LTK: variants seen among roughly 807,000 people sequenced by gnomAD.
The protein encoded by LTK is leukocyte receptor tyrosine kinase, also known as leukocyte tyrosine kinase receptor.
Under a neutral mutation model 101.5 loss-of-function variants are expected in LTK, and 117 were observed. That is an observed-to-expected ratio of 1.15 (90% CI 0.99 to 1.34). The LOEUF is 1.34. LTK is among the 40% of genes most tolerant of loss of function. LTK has a pLI of 0.00. For synonymous variants in LTK, 563 were observed against 494.2 expected (o/e 1.14, Z -1.85); for missense variants, 1,252 against 1,164.7 (o/e 1.07, Z -1.09).
chr15:41,512,042 C>T, intron 4 of LTK, 73 bp downstream of exon 4: 1 of 1,482,410 alleles, frequency 6.7e-7, no homozygotes, highest in East Asian at 2.5e-5. Context: ...CCGAGGAAAG[C>T]ACGCTCCCCC....
Position 41,504,867 on chromosome 15 carries a change from A to G in LTK, c.2026T>C (p.Tyr676His). The G allele has an allele frequency of 6.2e-7, 1 of 1,612,570 alleles. No individual in the cohort carries two copies. Among genetic ancestry groups the G allele is most frequent in the Non-Finnish European group, 8.5e-7 (1 of 1,179,556 alleles). ...GMARDIYRAS[Y>H]YRRGDRALLP... Reference sequence around the variant, plus strand: ...AAGGCCCGGTCCCCCCTGCGGTAATAACTGGCCCTACAGGAGGGAGGAGGT... The same window carrying G: ...AAGGCCCGGTCCCCCCTGCGGTAATGACTGGCCCTACAGGAGGGAGGAGGT... Residue 676 changes from tyrosine to histidine, a missense_variant, in exon 17 of 20, where the codon TAT (tyrosine) becomes CAT (histidine). Tyr to His is a moderately conservative substitution (Grantham distance 83). Transcript: ENST00000263800.
intron 8 of LTK, among the ~76,000 whole-genome samples, 185 bp downstream of exon 8, chr15:41,508,846 C>T (rs866030617): frequency 4.6e-5 from 7 of 152,246 alleles, no homozygotes; most frequent in Middle Eastern, 3.4e-3. Flanking sequence ...TTGCTCTTGT[C>T]GCCCAGGCTG....
chr15:41,507,985 T>C (rs2051340558), intron 9 of LTK, 84 bp downstream of exon 9: 3 of 1,433,162 alleles, frequency 2.1e-6, no homozygotes, highest in Non-Finnish European at 2.8e-6. Flanking sequence ...ACAGCAAATC[T>C]CTATACCATC....
chr15:41,508,810 ACTTTC>A (rs2051366647), intron 8 of LTK, among the ~76,000 whole-genome samples: 1 of 152,002 alleles, frequency 6.6e-6, no homozygotes, highest in African/African-American at 2.4e-5. Flanking sequence ...CTGGCAGCCC[ACTTTC>A]CTTTTTTTTA....
chr15:41,505,126 T>C, intron 15 of LTK, 62 bp from the exon 16 acceptor site: 1 of 1,586,890 alleles, frequency 6.3e-7, no homozygotes, highest in Non-Finnish European at 8.6e-7. Flanking sequence ...TCCTGATCTA[T>C]TTCCTTAAAA....
At chr15:41,505,688 G>T in intron 13 of LTK, 25 bp downstream of exon 13, 2 of 1,613,188 alleles carry the variant, frequency 1.2e-6, no homozygotes, top group Non-Finnish European at 1.7e-6. Context: ...CCGCCTTCCA[G>T]CCCTGCCCCT....
intron 8 of LTK, 27 bp from the exon 9 acceptor site, chr15:41,508,248 T>G (rs757906958): frequency 6.3e-7 from 1 of 1,596,884 alleles, no homozygotes; most frequent in Non-Finnish European, 8.5e-7. Flanking sequence ...TGATATGATA[T>G]GGTGTGGTAG....
chr15:41,505,881 T>C (rs1203347384), intron 12 of LTK, 34 bp downstream of exon 12: 1 of 1,604,378 alleles, frequency 6.2e-7, no homozygotes, highest in Non-Finnish European at 8.5e-7. Context: ...TGTTCCGCTC[T>C]CCTACCCCCA....
intron 11 of LTK, among the ~76,000 whole-genome samples, 164 bp downstream of exon 11, chr15:41,506,931 G>C (rs552570566): frequency 6.6e-6 from 1 of 152,220 alleles, no homozygotes; most frequent in East Asian, 1.9e-4. Context: ...AGGTGACATT[G>C]AGCAAGTTAC....
chr15:41,504,770 C>A lies in LTK; in HGVS notation c.2120+3G>T, dbSNP rs776555707. 1.3e-6 allele frequency: 2 copies of A among 1,564,194 alleles called. No individual in the cohort carries two copies. The highest frequency in any genetic ancestry group is 1.7e-5 in the Admixed American group (1 of 58,486). ...GGGAAGGGGAGGGGAAGGGTGTTATCACCAGGAATCTGTCTTGGATGTGAA... is the reference window on the plus strand; with the variant it reads ...GGGAAGGGGAGGGGAAGGGTGTTATAACCAGGAATCTGTCTTGGATGTGAA... On this transcript the variant is annotated splice_donor_region_variant and intron_variant, in intron 17 of 19. Transcript: ENST00000263800.
chr15:41,512,398 G>A, intron 3 of LTK, 133 bp from the exon 4 acceptor site: 1 of 979,954 alleles, frequency 1.0e-6, no homozygotes, highest in South Asian at 1.7e-5. Context: ...GACTCTGACG[G>A]GATGGGAAGG....
rs139262290 is a variant in LTK at position 41,505,280 on chromosome 15, C to T, written c.1853G>A (p.Arg618Gln). Reference sequence around the variant, plus strand: ...GTCCTGGGCCAGTTGCAGCAGGTCCCGCATGACCAGAGGTGATGGCTGGCC... The same window carrying T: ...GTCCTGGGCCAGTTGCAGCAGGTCCTGCATGACCAGAGGTGATGGCTGGCC... ...HLGQPSPLVM[R>Q]DLLQLAQDIA... Residue 618 changes from arginine (R) to glutamine (Q), a missense_variant, in exon 15 of 20, where the codon CGG becomes CAG. Physicochemically the swap from Arg to Gln is conservative, Grantham distance 43 (BLOSUM62 1). Transcript: ENST00000263800. 7.1e-5 allele frequency: 114 copies of T among 1,613,818 alleles called. 2 individuals are homozygous for T. Among genetic ancestry groups the T allele is most frequent in the South Asian group, 3.2e-4 (29 of 91,054 alleles).
At position 41,511,224 on chromosome 15, in the gene LTK, C is replaced by A. The variant is rs780147327; in HGVS notation, c.937G>T (p.Gly313Cys). The change falls in exon 7 of 20, where the codon GGC (glycine) becomes TGC (cysteine). Residue 313 changes from glycine to cysteine, a missense_variant. Gly to Cys is a radical substitution (Grantham distance 159). Coordinates refer to ENST00000263800, the MANE Select transcript of LTK (RefSeq NM_002344.6). The surrounding 1 kb of genome is among the most constrained non-coding windows in gnomAD (Gnocchi z 5.9). Reference sequence around the variant, plus strand: ...GCCCCGCCGCCGCCCCCGAAGCCGCCGGCCGCGGCCCAGCCAAGGGTCGCC... The same window carrying A: ...GCCCCGCCGCCGCCCCCGAAGCCGCAGGCCGCGGCCCAGCCAAGGGTCGCC... ...AWATLGWAAA[G>C]GFGGGGGACT... The A allele has an allele frequency of 1.8e-5, 25 of 1,395,200 alleles. No homozygotes were observed. In the Admixed American group the frequency reaches 2.2e-4, roughly 12 times the overall value. 86.4% of individuals were successfully genotyped at this position (1,395,200 alleles called of 1,614,324 possible).
chr15:41,507,248 G>C lies in LTK; in HGVS notation c.1388C>G (p.Pro463Arg), dbSNP rs144738418. 23 of 1,608,584 alleles carry C rather than the reference G, an allele frequency of 1.4e-5. No individual in the cohort carries two copies. Among genetic ancestry groups the C allele is most frequent in the South Asian group, 2.2e-5 (2 of 90,704 alleles). The stretch of plus-strand genomic sequence containing the variant: ...CTTGCTCAGCTCAAGCTCAGGGCTC[G>C]GCAGCCTCATCTCCTGCAGGCCCTG... ...KWQGLQEMRLPSPELELSKLR... is the reference protein window; with the variant it reads ...KWQGLQEMRLRSPELELSKLR... Residue 463 changes from proline (P) to arginine (R), a missense_variant, in exon 11 of 20, where the codon CCG (proline) becomes CGG (arginine). Physicochemically the swap from Pro to Arg is moderately radical, Grantham distance 103 (BLOSUM62 -2). Coordinates refer to ENST00000263800, the MANE Select transcript of LTK (RefSeq NM_002344.6).
chr15:41,511,250 C>A lies in LTK; in HGVS notation c.911G>T (p.Trp304Leu). The change falls in exon 7 of 20, where the codon TGG becomes TTG. Residue 304 changes from tryptophan (W) to leucine (L), a missense_variant. By Grantham distance (61) the Trp-to-Leu change is moderately conservative (BLOSUM62 -2). Coordinates refer to ENST00000263800, the MANE Select transcript of LTK (RefSeq NM_002344.6). The surrounding 1 kb of genome is among the most constrained non-coding windows in gnomAD (Gnocchi z 5.9). ...AEGGQGCSEAWATLGWAAAGG... is the reference protein window; with the variant it reads ...AEGGQGCSEALATLGWAAAGG... ...GGCCGCGGCCCAGCCAAGGGTCGCC[C>A]AAGCCTCGGAGCAGCCCTGGCCGCC... 7.0e-7 allele frequency: 1 copy of A among 1,426,172 alleles called. No individual in the cohort carries two copies. The highest frequency in any genetic ancestry group is 9.1e-7 in the Non-Finnish European group (1 of 1,093,930). The allele number at this position is 1,426,172 out of a possible 1,614,324, so 88.3% of individuals were successfully genotyped here.
chr15:41,508,648 T>C (rs1353898186), intron 8 of LTK, among the ~76,000 whole-genome samples: 2 of 152,136 alleles, frequency 1.3e-5, no homozygotes, highest in Non-Finnish European at 2.9e-5. Context: ...CCCAGGACTT[T>C]AGAGCAAAGA....
chr15:41,505,664 C>T (rs1351395842), intron 13 of LTK, 49 bp downstream of exon 13: 10 of 1,609,736 alleles, frequency 6.2e-6, no homozygotes, highest in East Asian at 2.2e-5. Flanking sequence ...AAACTGTTCC[C>T]GGGCATTCCC....
rs748944262 is a variant in LTK, at chr15:41,507,656, G to A, written c.1251C>T (p.Asp417=). ...ELAVDNVTCM[D]LHKPPGPLVL... ...CCAGAGGGCCTGGGGGCTTGTGCAG[G>A]TCTAGGGAGAAAGAGAGACACCTCC... The change falls in exon 10 of 20, where the codon GAC becomes GAT. Residue 417 remains aspartate, a splice_region_variant and synonymous_variant. Transcript: ENST00000263800. 3.3e-5 allele frequency: 53 copies of A among 1,612,504 alleles called. No individual in the cohort carries two copies. The highest frequency in any genetic ancestry group is 4.3e-5 in the Non-Finnish European group (51 of 1,179,520).
In LTK at chr15:41,511,835, G is replaced by GCCCCC; in HGVS notation, c.634_638dup (p.Ala214GlyfsTer29). On this transcript the variant is annotated frameshift_variant, in exon 5 of 20. Transcript: ENST00000263800. LOFTEE classifies it high-confidence loss of function. The surrounding 1 kb of genome is among the most constrained non-coding windows in gnomAD (Gnocchi z 5.9). ...CACGTACCCGGAAAACGTAGGTGGC[G>GCCCCC]CCCCCGCCACCCCCGCCACCTCCCG... The GCCCCC allele has an allele frequency of 6.8e-7, 1 of 1,477,326 alleles. No individual in the cohort carries two copies. The highest frequency in any genetic ancestry group is 8.9e-7 in the Non-Finnish European group (1 of 1,122,392). The allele number at this position is 1,477,326 out of a possible 1,614,324, so 91.5% of individuals were successfully genotyped here.
Sources: gnomAD v4.1 joint callset for allele counts (sites outside exome capture counted in the v4.1 genomes callset) on GRCh38, gnomAD v4.1.1 for gene constraint, Gnocchi (gnomAD v3.1) non-coding constraint, MANE v1.5 for transcripts, NCBI Gene and HGNC (gene_info 2026-07-23, HGNC 2026-07-21) for gene names.